The following FRY variants were observed in gnomAD, a reference collection of about 807,000 sequenced individuals.
The protein encoded by FRY is FRY microtubule binding protein, also known as protein furry homolog.
In FRY, 128 loss-of-function variants were observed where a neutral mutation model predicts 348.4. That is an observed-to-expected ratio of 0.37 (90% confidence interval 0.32 to 0.43). The LOEUF is 0.43. Among genes scored for constraint, FRY ranks in the 20% least tolerant of loss-of-function variants. FRY has a pLI of 1.00. For synonymous variants in FRY, 1,370 were observed against 1,374.7 expected (o/e 1.00, Z 0.08); for missense variants, 2,736 against 3,695.2 (o/e 0.74, Z 6.73).
At chr13:32,265,423 G>T (rs1322747139) in intron 53 of FRY, 27 bp from the exon 54 acceptor site, 11 of 1,611,538 alleles carry the variant, frequency 6.8e-6, no homozygotes, top group Non-Finnish European at 9.3e-6. Context: ...CACATTGGGG[G>T]ATTCTTTTGT....
At position 32,076,802 on chromosome 13, in the gene FRY, G is replaced by A. The variant is rs186210108; in HGVS notation, c.71-2032G>A. 3.3e-5 allele frequency among the ~76,000 whole-genome samples: 5 copies of A among 152,312 alleles called. No homozygotes were observed. In the East Asian group the frequency reaches 9.6e-4, roughly 29 times the overall value. On this transcript the variant is annotated intron_variant, in intron 1 of 60. Coordinates refer to ENST00000542859, the MANE Select transcript of FRY (RefSeq NM_023037.3). ...CAGTCTTATTAGGGAACTTTTAGGA[G>A]ATATAGCTAGAAGAGTATATGGTTT...
At position 32,194,736 on chromosome 13, in the gene FRY, G is replaced by C. The variant is rs559632610; in HGVS notation, c.3746+439G>C. Among the ~76,000 whole-genome samples, 10 of 152,164 alleles carry C rather than the reference G, an allele frequency of 6.6e-5. No homozygotes were observed. The South Asian group carries it at 2.1e-3, about 32-fold the overall frequency. On this transcript the variant is annotated intron_variant, in intron 29 of 60. Transcript: ENST00000542859. The stretch of plus-strand genomic sequence containing the variant: ...AACTTCAGAAAGGAAAAAAAGAAAA[G>C]AAAATGTGATACCAAAGGTTCTATA...
At chr13:32,241,060 C>T (rs1287797830) in intron 46 of FRY, among the ~76,000 whole-genome samples, 1 of 152,222 alleles carries the variant, frequency 6.6e-6, no homozygotes, top group African/African-American at 2.4e-5. Flanking sequence ...TAAGGAACCT[C>T]TCATAAGTAC....
intron 7 of FRY, among the ~76,000 whole-genome samples, chr13:32,127,743 C>T (rs1227141319): frequency 6.6e-6 from 1 of 152,032 alleles, no homozygotes; most frequent in African/African-American, 2.4e-5. Flanking sequence ...CGTGCCACTA[C>T]ACTCCAGCCT....
chr13:32,112,064 G>T (rs941981275), intron 3 of FRY, among the ~76,000 whole-genome samples: 3 of 152,164 alleles, frequency 2.0e-5, no homozygotes, highest in African/African-American at 7.2e-5. Flanking sequence ...AAGTTGCAAG[G>T]GTTCTAATGA....
intron 48 of FRY, among the ~76,000 whole-genome samples, chr13:32,248,714 T>C (rs572656134): frequency 9.8e-5 from 15 of 152,328 alleles, no homozygotes; most frequent in African/African-American, 3.4e-4. Flanking sequence ...ATGTAAATAA[T>C]ATTAAGGTTT....
At chr13:32,244,889 G>A (rs752552891) in intron 47 of FRY, among the ~76,000 whole-genome samples, 2 of 152,186 alleles carry the variant, frequency 1.3e-5, no homozygotes, top group East Asian at 3.9e-4. Context: ...CAAAGCCAGT[G>A]TCTTTGTTTT....
rs1038060543 is a variant in FRY at position 32,296,145 on chromosome 13, C to T, written c.*685C>T. On this transcript the variant is annotated 3_prime_UTR_variant, in exon 61 of 61. Transcript: ENST00000542859. ...TCTGAAAGCCCTGGATCTCTTTGCA[C>T]CAAAAATGGTCCAGATAGACTCTTT... The T allele has an allele frequency of 1.3e-5, 2 of 152,738 alleles. No homozygotes were observed. The highest frequency in any genetic ancestry group is 2.9e-5 in the Non-Finnish European group (2 of 68,132). The allele number at this position is 152,738 out of a possible 1,614,324, so 9.5% of individuals were successfully genotyped here. A position where few individuals can be genotyped will look rare whatever the true frequency, so the allele number is the denominator to read the frequency against.
intron 51 of FRY, chr13:32,257,828 CT>C: frequency 1.4e-6 from 1 of 711,714 alleles, no homozygotes; most frequent in South Asian, 1.6e-5. Context: ...TAAGGTGCAC[CT>C]ACTGAAGTGT....
intron 34 of FRY, 149 bp from the exon 35 acceptor site, chr13:32,212,143 T>C: frequency 1.6e-6 from 1 of 637,342 alleles, no homozygotes. Flanking sequence ...GAAGATTGTT[T>C]AGAATGTCTG....
At chr13:32,049,554 C>A (rs1044929165) in intron 1 of FRY, among the ~76,000 whole-genome samples, 6 of 152,184 alleles carry the variant, frequency 3.9e-5, no homozygotes, top group Non-Finnish European at 8.8e-5. Context: ...CCTGCCTCAG[C>A]CTCCCAAGTA....
chr13:32,044,348 T>A (rs1302804163), intron 1 of FRY, among the ~76,000 whole-genome samples: 5 of 152,290 alleles, frequency 3.3e-5, no homozygotes, highest in African/African-American at 1.2e-4. Flanking sequence ...CTTTCCCTAT[T>A]TACAGCCTCC....
At chr13:32,235,698 A>G (rs1421912977) in intron 42 of FRY, among the ~76,000 whole-genome samples, 1 of 152,192 alleles carries the variant, frequency 6.6e-6, no homozygotes, top group Non-Finnish European at 1.5e-5. Context: ...TCTTTCAGCC[A>G]TCAGAGGTGC....
At position 32,178,216 on chromosome 13, in the gene FRY, T is replaced by C. The variant is rs754206966; in HGVS notation, c.2461T>C (p.Leu821=). The C allele has an allele frequency of 4.3e-6, 7 of 1,614,066 alleles. No individual in the cohort carries two copies. In the East Asian group the frequency reaches 1.3e-4, roughly 31 times the overall value. Residue 821 remains leucine (L), a synonymous_variant, in exon 21 of 61, where the codon TTG becomes CTG. Coordinates refer to ENST00000542859, the MANE Select transcript of FRY (RefSeq NM_023037.3). ...PLTHNVDLQW[L]VEWNAVLVNS... is the part of the protein sequence containing the mutation. The stretch of plus-strand genomic sequence containing the variant: ...CACCCACAATGTGGATCTGCAGTGG[T>C]TGGTGGAATGGAACGCAGTCCTGGT...
intron 53 of FRY, 43 bp downstream of exon 53, chr13:32,262,518 C>T: frequency 1.3e-6 from 2 of 1,498,182 alleles, no homozygotes; most frequent in Non-Finnish European, 1.9e-6. Context: ...TCCCTTAAAA[C>T]CCTTAAAAAA....
chr13:32,145,820 AGGCGTGAGCCACCGCGCCC>A (rs1880407451), intron 11 of FRY, among the ~76,000 whole-genome samples: 1 of 151,920 alleles, frequency 6.6e-6, no homozygotes. Context: ...CTGGGATTAC[AGGCGTGAGCCACCGCGCCC>A]GGCCTCTGAC....
chr13:32,149,049 A>G (rs375535139), intron 13 of FRY, among the ~76,000 whole-genome samples: 5 of 148,892 alleles, frequency 3.4e-5, no homozygotes, highest in South Asian at 2.1e-4. Context: ...ACACACATAT[A>G]TACACACAGA....
chr13:32,154,997 A>T (rs1881025832), intron 14 of FRY, among the ~76,000 whole-genome samples: 1 of 152,144 alleles, frequency 6.6e-6, no homozygotes, highest in Non-Finnish European at 1.5e-5. Context: ...TTCTTCTCAA[A>T]CTTGCTGGCC....
At chr13:32,098,306 C>T (rs76676009) in intron 2 of FRY, among the ~76,000 whole-genome samples, 2,584 of 152,156 alleles carry the variant, frequency 0.017, 92 homozygotes, top group African/African-American at 0.058. Flanking sequence ...TGAAGGTTCA[C>T]AGCATGTCAC....
Sources: allele counts gnomAD v4.1 joint callset (sites outside exome capture counted in the v4.1 genomes callset), GRCh38; gene constraint gnomAD v4.1.1; transcripts MANE v1.5; gene names NCBI Gene and HGNC (gene_info 2026-07-23, HGNC 2026-07-21).